The following SNX22 variants were observed in gnomAD, a reference collection of about 807,000 sequenced individuals.
SNX22 encodes the protein sorting nexin-22.
In SNX22, 23 loss-of-function variants were observed where a neutral mutation model predicts 24.7. The ratio of observed to expected loss-of-function variants is 0.93; its 90% CI spans 0.67 to 1.32. The LOEUF (loss-of-function observed/expected upper bound fraction) is 1.32, where lower values mean the gene tolerates loss of function less well. Among genes scored for constraint, SNX22 ranks in the 40% most tolerant of loss-of-function variants. The pLI is 0.00. For synonymous variants in SNX22, 99 were observed against 104.0 expected, an observed-to-expected ratio of 0.95 and a Z score of 0.29; for missense variants, 261 against 249.9, an observed-to-expected ratio of 1.04 and a Z score of -0.30.
rs3056904 is a variant in SNX22 at position 64,155,510 on chromosome 15, C to CAAA, written c.*1024_*1026dup. 3.6e-4 allele frequency: 45 copies of CAAA among 124,636 alleles called. No homozygotes were observed. Among genetic ancestry groups the CAAA allele is most frequent in the African/African-American group, 1.8e-3 (41 of 23,256 alleles). The allele number at this position is 124,636 out of a possible 1,614,324, so 7.7% of individuals were successfully genotyped here. ...GCAACATAGTGAGACCTGTCTCTAC[C>CAAA]AAAAAAAAAAAAAAAAAAAAAAAAT... is the stretch of plus-strand genomic sequence containing the variant. On this transcript the variant is annotated 3_prime_UTR_variant, in exon 7 of 7. Coordinates refer to ENST00000325881, the MANE Select transcript of SNX22 (RefSeq NM_024798.3).
intron 4 of SNX22, 140 bp downstream of exon 4, chr15:64,153,479 G>T: frequency 6.9e-7 from 1 of 1,452,878 alleles, no homozygotes. Context: ...CCTGGGTGGA[G>T]GGGCTTTTTT....
rs186457893 is a variant in SNX22 at position 64,155,574 on chromosome 15, C to A, written c.*1066C>A. 1.1e-3 allele frequency: 241 copies of A among 222,106 alleles called. 5 individuals are homozygous for A. In the East Asian group the frequency reaches 0.025, roughly 23 times the overall value. 13.8% of individuals were successfully genotyped at this position (222,106 alleles called of 1,614,324 possible). On this transcript the variant is annotated 3_prime_UTR_variant, in exon 7 of 7. Coordinates refer to ENST00000325881, the MANE Select transcript of SNX22 (RefSeq NM_024798.3). ...GGCTATGAAAAAGTACAGATACATCCCTTAACATAGACTGGAGGGTGGTGG... is the reference window on the plus strand; with the variant it reads ...GGCTATGAAAAAGTACAGATACATCACTTAACATAGACTGGAGGGTGGTGG...
At position 64,156,325 on chromosome 15, in the gene SNX22, C is replaced by A. The variant is rs150119910; in HGVS notation, c.*1817C>A. ...CAGAGCAGGGAGAATGCAGATTTGA[C>A]GAGGGGGTACAGGAATTTTGTTCCT... On this transcript the variant is annotated 3_prime_UTR_variant, in exon 7 of 7. Transcript: ENST00000325881. The surrounding 1 kb of genome is among the most constrained non-coding windows in gnomAD (Gnocchi z 6.4). 2 of 838,822 alleles carry A rather than the reference C, an allele frequency of 2.4e-6. No individual in the cohort carries two copies. Among genetic ancestry groups the A allele is most frequent in the African/African-American group, 3.4e-5 (2 of 59,560 alleles). 52.0% of individuals were successfully genotyped at this position (838,822 alleles called of 1,614,324 possible).
chr15:64,152,604 G>T lies in SNX22; in HGVS notation c.160-34G>T, dbSNP rs534410250. The stretch of plus-strand genomic sequence containing the variant: ...GAAGAGGGCTTGAGGGCTCAGTCGG[G>T]ATGCTGTGATCGCACGCGGTAAACC... On this transcript the variant is annotated intron_variant, in intron 2 of 6. Coordinates refer to ENST00000325881, the MANE Select transcript of SNX22 (RefSeq NM_024798.3). 1.4e-5 allele frequency: 23 copies of T among 1,595,780 alleles called. No homozygotes were observed. The South Asian group carries it at 2.5e-4, about 18-fold the overall frequency.
At chr15:64,154,360 C>G (rs768584261) in intron 6 of SNX22, 27 bp from the exon 7 acceptor site, 33 of 1,613,754 alleles carry the variant, frequency 2.0e-5, no homozygotes, top group Non-Finnish European at 2.8e-5. Context: ...AGGTCTGAGG[C>G]CAGACCTGTT....
intron 2 of SNX22, 154 bp from the exon 3 acceptor site, chr15:64,152,484 T>C (rs780124845): frequency 1.7e-6 from 2 of 1,192,662 alleles, no homozygotes; most frequent in Admixed American, 4.0e-5. Context: ...GTGGGTGGGT[T>C]GGGGCCTTCC....
At position 64,156,845 on chromosome 15, in the gene SNX22, G is replaced by A; in HGVS notation, c.*2337G>A. The A allele has an allele frequency of 6.2e-7, 1 of 1,614,210 alleles. No homozygotes were observed. Among genetic ancestry groups the A allele is most frequent in the South Asian group, 1.1e-5 (1 of 91,082 alleles). On this transcript the variant is annotated 3_prime_UTR_variant, in exon 7 of 7. Coordinates refer to ENST00000325881, the MANE Select transcript of SNX22 (RefSeq NM_024798.3). The surrounding 1 kb of genome is among the most constrained non-coding windows in gnomAD (Gnocchi z 6.4). ...TGCCTGCGTTGGCCATGCTCACCCA[G>A]CCAGGCCCGTAGTGCTTCAGTTTGA... is the stretch of plus-strand genomic sequence containing the variant.
chr15:64,152,900 ACC>A, intron 3 of SNX22, 158 bp downstream of exon 3: 1 of 646,030 alleles, frequency 1.5e-6, no homozygotes, highest in South Asian at 1.9e-5. Flanking sequence ...AGGTCCAAAC[ACC>A]CCCCTCTGGC....
At chr15:64,153,573 C>A in intron 4 of SNX22, 79 bp from the exon 5 acceptor site, 3 of 1,587,738 alleles carry the variant, frequency 1.9e-6, no homozygotes, top group South Asian at 1.1e-5. Flanking sequence ...AGGTGCAGTT[C>A]TGGGCTCTGG....
chr15:64,154,303 A>G (rs944660745), intron 6 of SNX22, 84 bp from the exon 7 acceptor site: 1 of 1,591,480 alleles, frequency 6.3e-7, no homozygotes, highest in African/African-American at 1.3e-5. Flanking sequence ...AGGGGCTCCT[A>G]CTCCCAAGTG....
In SNX22 at chr15:64,156,181, G is replaced by C; in HGVS notation, c.*1673G>C. On this transcript the variant is annotated 3_prime_UTR_variant, in exon 7 of 7. Coordinates refer to ENST00000325881, the MANE Select transcript of SNX22 (RefSeq NM_024798.3). The surrounding 1 kb of genome is among the most constrained non-coding windows in gnomAD (Gnocchi z 6.4). Reference sequence around the variant, plus strand: ...AAGGTGGAAGCAGGAGGGCATGGTGGATCAGGAGGTCCACCGCTCAGGAGA... The same window carrying C: ...AAGGTGGAAGCAGGAGGGCATGGTGCATCAGGAGGTCCACCGCTCAGGAGA... 6.2e-7 allele frequency: 1 copy of C among 1,613,060 alleles called. No individual in the cohort carries two copies. The highest frequency in any genetic ancestry group is 1.7e-5 in the Admixed American group (1 of 59,964).
rs1285064328 is a variant in SNX22 at position 64,156,487 on chromosome 15, A to T, written c.*1979A>T. Reference sequence around the variant, plus strand: ...GGACCAGCACGTCACTGAGTGAAGGAGGGGAGGGAGGCTCTGGCAGTTGTG... The same window carrying T: ...GGACCAGCACGTCACTGAGTGAAGGTGGGGAGGGAGGCTCTGGCAGTTGTG... On this transcript the variant is annotated 3_prime_UTR_variant, in exon 7 of 7. Coordinates refer to ENST00000325881, the MANE Select transcript of SNX22 (RefSeq NM_024798.3). This position sits in a 1 kb window ranked among gnomAD's most constrained non-coding sequence, Gnocchi z 6.4. 2 of 631,080 alleles carry T rather than the reference A, an allele frequency of 3.2e-6. No individual in the cohort carries two copies. The highest frequency in any genetic ancestry group is 5.6e-6 in the Non-Finnish European group (2 of 356,900). The allele number at this position is 631,080 out of a possible 1,614,324, so 39.1% of individuals were successfully genotyped here. A position where few individuals can be genotyped will look rare whatever the true frequency, so the allele number is the denominator to read the frequency against.
intron 1 of SNX22, 41 bp downstream of exon 1, chr15:64,151,891 C>T: frequency 6.6e-7 from 1 of 1,503,966 alleles, no homozygotes; most frequent in South Asian, 1.2e-5. Context: ...CCGGGACCCG[C>T]AGGATTTCCC....
rs149834858 is a variant in SNX22 at position 64,154,444 on chromosome 15, T to G, written c.518T>G (p.Ile173Ser). 11 of 1,614,058 alleles carry G rather than the reference T, an allele frequency of 6.8e-6. No individual in the cohort carries two copies. In the African/African-American group the frequency reaches 1.5e-4, roughly 22 times the overall value. ...GVLQGLYSFS[I>S]SPDKAQPKAA... Reference sequence around the variant, plus strand: ...CTCCAGGGCCTCTACAGCTTCAGCATCAGCCCAGATAAAGCCCAGCCAAAG... The same window carrying G: ...CTCCAGGGCCTCTACAGCTTCAGCAGCAGCCCAGATAAAGCCCAGCCAAAG... Residue 173 changes from isoleucine (I) to serine (S), a missense_variant, in exon 7 of 7, where the codon ATC becomes AGC. By Grantham distance (142) the Ile-to-Ser change is moderately radical. Coordinates refer to ENST00000325881, the MANE Select transcript of SNX22 (RefSeq NM_024798.3).
chr15:64,153,698 C>G lies in SNX22; in HGVS notation c.392+14C>G. The G allele has an allele frequency of 6.2e-7, 1 of 1,614,074 alleles. No individual in the cohort carries two copies. The highest frequency in any genetic ancestry group is 8.5e-7 in the Non-Finnish European group (1 of 1,179,992). On this transcript the variant is annotated intron_variant, in intron 5 of 6. Coordinates refer to ENST00000325881, the MANE Select transcript of SNX22 (RefSeq NM_024798.3). ...TGGCGACAGCAGGCAAGTCAAAGCC[C>G]TAGCCCGCGCTTGGCCCCTGCTGCC...
In SNX22 at chr15:64,157,028, T is replaced by C; in HGVS notation, c.*2520T>C. ...TGTGCCAGGCTAGGCTGGAGTGGAC[T>C]ACAAGGACATAAAAGCAGCGTCCTT... On this transcript the variant is annotated 3_prime_UTR_variant, in exon 7 of 7. Coordinates refer to ENST00000325881, the MANE Select transcript of SNX22 (RefSeq NM_024798.3). This position sits in a 1 kb window ranked among gnomAD's most constrained non-coding sequence, Gnocchi z 4.2. 1 of 1,076,300 alleles carries C rather than the reference T, an allele frequency of 9.3e-7. No individual in the cohort carries two copies. Among genetic ancestry groups the C allele is most frequent in the Non-Finnish European group, 1.3e-6 (1 of 747,312 alleles). 66.7% of individuals were successfully genotyped at this position (1,076,300 alleles called of 1,614,324 possible).
chr15:64,156,287 A>C lies in SNX22; in HGVS notation c.*1779A>C. The C allele has an allele frequency of 3.7e-6, 4 of 1,073,232 alleles. No individual in the cohort carries two copies. Among genetic ancestry groups the C allele is most frequent in the Non-Finnish European group, 4.2e-6 (3 of 718,634 alleles). The allele number at this position is 1,073,232 out of a possible 1,614,324, so 66.5% of individuals were successfully genotyped here. On this transcript the variant is annotated 3_prime_UTR_variant, in exon 7 of 7. Transcript: ENST00000325881. This position sits in a 1 kb window ranked among gnomAD's most constrained non-coding sequence, Gnocchi z 6.4. ...CAAAACTGGAGGCACCAAAATTCTAACAGACTCCTGGCCAGAGCAGGGAGA... is the reference window on the plus strand; with the variant it reads ...CAAAACTGGAGGCACCAAAATTCTACCAGACTCCTGGCCAGAGCAGGGAGA...
At position 64,154,774 on chromosome 15, in the gene SNX22, A is replaced by G. The variant is rs1226465775; in HGVS notation, c.*266A>G. On this transcript the variant is annotated 3_prime_UTR_variant, in exon 7 of 7. Coordinates refer to ENST00000325881, the MANE Select transcript of SNX22 (RefSeq NM_024798.3). ...GGAAGTCAGCCAGGCGCGGTGGCTCATGCCTGTAATCCCAGCACTTTGGGA... is the reference window on the plus strand; with the variant it reads ...GGAAGTCAGCCAGGCGCGGTGGCTCGTGCCTGTAATCCCAGCACTTTGGGA... 4 of 308,028 alleles carry G rather than the reference A, an allele frequency of 1.3e-5. No individual in the cohort carries two copies. In the East Asian group the frequency reaches 2.7e-4, roughly 21 times the overall value. 19.1% of individuals were successfully genotyped at this position (308,028 alleles called of 1,614,324 possible).
chr15:64,155,690 G>A lies in SNX22; in HGVS notation c.*1182G>A, dbSNP rs576765793. ...CCTGACTTTTCCTGGGTAGCTCCTG[G>A]GTCAAAATTTCAGGCAGGATCCCAG... is the stretch of plus-strand genomic sequence containing the variant. On this transcript the variant is annotated 3_prime_UTR_variant, in exon 7 of 7. Transcript: ENST00000325881. 2 of 337,436 alleles carry A rather than the reference G, an allele frequency of 5.9e-6. No individual in the cohort carries two copies. Among genetic ancestry groups the A allele is most frequent in the Non-Finnish European group, 1.1e-5 (2 of 176,016 alleles). 20.9% of individuals were successfully genotyped at this position (337,436 alleles called of 1,614,324 possible).
Sources: gnomAD v4.1 joint callset for allele counts on GRCh38, gnomAD v4.1.1 for gene constraint, Gnocchi (gnomAD v3.1) non-coding constraint, MANE v1.5 for transcripts, NCBI Gene and HGNC (gene_info 2026-07-23, HGNC 2026-07-21) for gene names.